The following KCNMB4 variants were observed in gnomAD, a reference collection of about 807,000 sequenced individuals.
KCNMB4 encodes the protein potassium calcium-activated channel subfamily M regulatory beta subunit 4, also known as calcium-activated potassium channel subunit beta-4.
In KCNMB4, 3 loss-of-function variants were observed where a neutral mutation model predicts 20.7. The ratio of observed to expected loss-of-function variants is 0.14; its 90% confidence interval spans 0.07 to 0.37. The LOEUF is 0.37. Among genes scored for constraint, KCNMB4 ranks in the 10% least tolerant of loss-of-function variants. KCNMB4 has a pLI of 1.00. For missense variants in KCNMB4, 168 were observed against 265.9 expected (o/e 0.63, Z 2.56); for synonymous variants, 110 against 113.4 (o/e 0.97, Z 0.19).
chr12:70,419,038 C>G (rs1868982436), intron 2 of KCNMB4, among the ~76,000 whole-genome samples: 1 of 152,134 alleles, frequency 6.6e-6, no homozygotes, highest in Admixed American at 6.6e-5. Flanking sequence ...TATAATTAGT[C>G]CTTTGATTTT....
rs1185679499 is a variant in KCNMB4, at chr12:70,432,597, C to G, written c.*1944C>G. 1 of 151,928 alleles carries G rather than the reference C, an allele frequency of 6.6e-6. No individual in the cohort carries two copies. Among genetic ancestry groups the G allele is most frequent in the Non-Finnish European group, 1.5e-5 (1 of 67,980 alleles). 9.4% of individuals were successfully genotyped at this position (151,928 alleles called of 1,614,324 possible). A position where few individuals can be genotyped will look rare whatever the true frequency, so the allele number is the denominator to read the frequency against. On this transcript the variant is annotated 3_prime_UTR_variant, in exon 3 of 3. Coordinates refer to ENST00000258111, the MANE Select transcript of KCNMB4 (RefSeq NM_014505.6). ...GGCTCCAATAATTTTTTTTCTAATT[C>G]AAAAGTTACAGTTTCACTGTGAAAA...
At chr12:70,385,570 T>C (rs1206093630) in intron 1 of KCNMB4, among the ~76,000 whole-genome samples, 1 of 152,238 alleles carries the variant, frequency 6.6e-6, no homozygotes, top group Non-Finnish European at 1.5e-5. Context: ...GAAGATATGC[T>C]GAGCATCTTC....
chr12:70,423,206 G>A (rs1000612459), intron 2 of KCNMB4, among the ~76,000 whole-genome samples: 2 of 152,122 alleles, frequency 1.3e-5, no homozygotes, highest in African/African-American at 4.8e-5. Flanking sequence ...TGCCAAAACT[G>A]AATGCAAATT....
intron 2 of KCNMB4, among the ~76,000 whole-genome samples, chr12:70,427,032 T>G (rs1236191203): frequency 1.3e-5 from 2 of 152,206 alleles, no homozygotes; most frequent in African/African-American, 2.4e-5. Flanking sequence ...TACCCCTTTT[T>G]TGCTTATTGT....
intron 1 of KCNMB4, among the ~76,000 whole-genome samples, chr12:70,381,139 A>T (rs1883778780): frequency 6.6e-6 from 1 of 152,190 alleles, no homozygotes. Flanking sequence ...CAATGAGCAC[A>T]TGAAAAAATG....
At position 70,393,210 on chromosome 12, in the gene KCNMB4, A is replaced by G. The variant is rs191718819; in HGVS notation, c.337-6999A>G. Among the ~76,000 whole-genome samples, 765 of 151,868 alleles carry G rather than the reference A, an allele frequency of 5.0e-3. 5 individuals carry two copies. The highest frequency in any genetic ancestry group is 0.018 in the African/African-American group (730 of 41,436). ...GTTTTTATTTTATTTTATTTATTTT[A>G]TTTTATTTTTGAGAAAGAGTCTCAC... On this transcript the variant is annotated intron_variant, in intron 1 of 2. Transcript: ENST00000258111.
intron 1 of KCNMB4, among the ~76,000 whole-genome samples, chr12:70,370,565 C>A (rs1478181904): frequency 1.3e-5 from 2 of 152,000 alleles, no homozygotes; most frequent in Non-Finnish European, 2.9e-5. Context: ...GCCTTGGCCT[C>A]CCAAAGGGCT....
chr12:70,403,581 A>T (rs1868516941), intron 2 of KCNMB4, among the ~76,000 whole-genome samples: 1 of 152,162 alleles, frequency 6.6e-6, no homozygotes, highest in Non-Finnish European at 1.5e-5. Flanking sequence ...CGATCCTCCC[A>T]TCTTGAAGTA....
At chr12:70,411,711 A>G (rs1273048974) in intron 2 of KCNMB4, among the ~76,000 whole-genome samples, 2 of 152,202 alleles carry the variant, frequency 1.3e-5, no homozygotes, top group Non-Finnish European at 2.9e-5. Flanking sequence ...TGGGAGGCTG[A>G]GATGGGAGGA....
intron 2 of KCNMB4, among the ~76,000 whole-genome samples, chr12:70,416,110 C>T (rs1868908076): frequency 6.6e-6 from 1 of 152,194 alleles, no homozygotes; most frequent in Non-Finnish European, 1.5e-5. Context: ...CTCAGCCCTT[C>T]CTGGTGTGTG....
intron 1 of KCNMB4, among the ~76,000 whole-genome samples, chr12:70,382,087 T>C (rs1010627909): frequency 1.3e-5 from 2 of 152,220 alleles, no homozygotes; most frequent in Non-Finnish European, 2.9e-5. Flanking sequence ...AAAATGTTAT[T>C]TGGAAAATAT....
At chr12:70,377,641 T>G (rs1883710902) in intron 1 of KCNMB4, among the ~76,000 whole-genome samples, 1 of 152,234 alleles carries the variant, frequency 6.6e-6, no homozygotes, top group South Asian at 2.1e-4. Flanking sequence ...AATGTTTCTC[T>G]GTTGCATGTG....
In KCNMB4 at chr12:70,428,933, A is replaced by T. The variant is rs181935073; in HGVS notation, c.465-1552A>T. Among the ~76,000 whole-genome samples, 200 of 152,344 alleles carry T rather than the reference A, an allele frequency of 1.3e-3. 1 individual carries two copies. Among genetic ancestry groups the T allele is most frequent in the Non-Finnish European group, 2.6e-3 (179 of 68,024 alleles). ...ACTGCGTTTACTTAATATAAATTTT[A>T]TTTGAAATACTATGAAATAAAACAT... On this transcript the variant is annotated intron_variant, in intron 2 of 2. Coordinates refer to ENST00000258111, the MANE Select transcript of KCNMB4 (RefSeq NM_014505.6).
intron 1 of KCNMB4, among the ~76,000 whole-genome samples, chr12:70,378,576 A>C (rs1366138901): frequency 6.6e-6 from 1 of 152,044 alleles, no homozygotes; most frequent in East Asian, 1.9e-4. Flanking sequence ...TCGCTGTGCC[A>C]CCCAGGCTCG....
intron 1 of KCNMB4, among the ~76,000 whole-genome samples, chr12:70,376,900 T>C (rs929433602): frequency 1.3e-5 from 2 of 151,610 alleles, no homozygotes; most frequent in Middle Eastern, 3.4e-3. Flanking sequence ...AAGAATGTAA[T>C]TTTATAATAA....
chr12:70,375,639 T>G (rs1027463418), intron 1 of KCNMB4, among the ~76,000 whole-genome samples: 4 of 151,982 alleles, frequency 2.6e-5, no homozygotes, highest in African/African-American at 9.7e-5. Flanking sequence ...ACCCCATCTC[T>G]AAAAAGAAAA....
chr12:70,384,394 G>T (rs2136121463), intron 1 of KCNMB4, among the ~76,000 whole-genome samples: 1 of 152,256 alleles, frequency 6.6e-6, no homozygotes, highest in Non-Finnish European at 1.5e-5. Flanking sequence ...GAGGATCGAT[G>T]TATTAAGATA....
intron 2 of KCNMB4, among the ~76,000 whole-genome samples, chr12:70,420,301 C>G (rs917182398): frequency 6.6e-6 from 1 of 152,130 alleles, no homozygotes; most frequent in African/African-American, 2.4e-5. Context: ...ACCATGTTAC[C>G]TTGTATGATA....
chr12:70,382,404 G>A (rs1254476634), intron 1 of KCNMB4, among the ~76,000 whole-genome samples: 1 of 128,782 alleles, frequency 7.8e-6, no homozygotes, highest in South Asian at 2.4e-4. Flanking sequence ...CAGCACTCCC[G>A]CCTGGGCGAC....
Sources: gnomAD v4.1 joint callset for allele counts (sites outside exome capture counted in the v4.1 genomes callset) on GRCh38, gnomAD v4.1.1 for gene constraint, MANE v1.5 for transcripts, NCBI Gene and HGNC (gene_info 2026-07-23, HGNC 2026-07-21) for gene names.